TNPO3: variants seen among roughly 807,000 people sequenced by gnomAD.
TNPO3 encodes the protein transportin 3, also known as transportin-3.
A neutral mutation model predicts 122.8 loss-of-function variants in TNPO3; 65 were observed. That is an observed-to-expected ratio of 0.53 (90% CI 0.43 to 0.65). TNPO3 has a LOEUF of 0.65. Ranked by LOEUF, TNPO3 falls within the 30% of genes least tolerant of loss-of-function variation. The pLI is 0.00. For synonymous variants in TNPO3, 372 were observed against 411.2 expected (o/e 0.90, Z 1.15); for missense variants, 850 against 1,136.7 (o/e 0.75, Z 3.63).
chr7:129,001,359 A>G, intron 5 of TNPO3, 125 bp from the exon 6 acceptor site: 1 of 764,942 alleles, frequency 1.3e-6, no homozygotes, highest in South Asian at 3.2e-5. Flanking sequence ...TAAGTAAATA[A>G]TAATACAATG....
chr7:129,000,488 GA>G lies in TNPO3; in HGVS notation c.951del (p.Asp320ThrfsTer19). 1 of 1,614,146 alleles carries G rather than the reference GA, an allele frequency of 6.2e-7. No homozygotes were observed. Among genetic ancestry groups the G allele is most frequent in the East Asian group, 2.2e-5 (1 of 44,878 alleles). ...LEKIVCTPGQ[G>X]LGDLRTLELL... is the part of the protein sequence containing the mutation. The stretch of plus-strand genomic sequence containing the variant: ...AGCTCCAGAGTTCGAAGGTCCCCAA[GA>G]CCTTGGCCTGGAGTACAAACAATTT... On this transcript the variant is annotated frameshift_variant, in exon 7 of 23. Coordinates refer to ENST00000265388, the MANE Select transcript of TNPO3 (RefSeq NM_012470.4). LOFTEE classifies it high-confidence loss of function.
At chr7:128,958,930 G>A (rs575236710) in intron 21 of TNPO3, among the ~76,000 whole-genome samples, 1 of 152,300 alleles carries the variant, frequency 6.6e-6, no homozygotes, top group African/African-American at 2.4e-5. Flanking sequence ...CCTGAGCTGG[G>A]GAGGTTGAGG....
intron 21 of TNPO3, among the ~76,000 whole-genome samples, chr7:128,957,884 G>C (rs1007804678): frequency 6.6e-6 from 1 of 152,144 alleles, no homozygotes; most frequent in Non-Finnish European, 1.5e-5. Flanking sequence ...CCTGTGGGAG[G>C]AGGAGGGAGA....
intron 4 of TNPO3, among the ~76,000 whole-genome samples, chr7:129,011,222 T>C (rs994286731): frequency 6.6e-6 from 1 of 152,228 alleles, no homozygotes; most frequent in Non-Finnish European, 1.5e-5. Context: ...ATAAAATGAC[T>C]GGTACAATCT....
intron 4 of TNPO3, among the ~76,000 whole-genome samples, chr7:129,014,619 T>C (rs1247895724): frequency 6.6e-6 from 1 of 152,226 alleles, no homozygotes; most frequent in Non-Finnish European, 1.5e-5. Context: ...AGTAGATTTA[T>C]ACACACTTCC....
At chr7:129,000,214 C>T (rs1801784287) in intron 7 of TNPO3, among the ~76,000 whole-genome samples, 1 of 152,182 alleles carries the variant, frequency 6.6e-6, no homozygotes, top group South Asian at 2.1e-4. Flanking sequence ...GGGCCTACAA[C>T]AGCCCAGCCA....
chr7:128,972,443 T>C lies in TNPO3; in HGVS notation c.2413A>G (p.Thr805Ala), dbSNP rs759300872. The C allele has an allele frequency of 3.8e-5, 61 of 1,613,668 alleles. 2 individuals carry two copies. In the South Asian group the frequency reaches 6.7e-4, roughly 18 times the overall value. Residue 805 changes from threonine (T) to alanine (A), a missense_variant, in exon 19 of 23, where the codon ACA (threonine) becomes GCA (alanine). By Grantham distance (58) the Thr-to-Ala change is moderately conservative (BLOSUM62 0). Transcript: ENST00000265388. ...VMRFLRDLIHTGVANDHEEDF... is the reference protein window; with the variant it reads ...VMRFLRDLIHAGVANDHEEDF... The stretch of plus-strand genomic sequence containing the variant: ...ATACTTACATCATTGGCTACCCCTG[T>C]ATGAATGAGGTCTCGTAGAAACCTC...
intron 1 of TNPO3, among the ~76,000 whole-genome samples, chr7:129,048,164 G>C (rs964514669): frequency 1.3e-5 from 2 of 152,294 alleles, no homozygotes; most frequent in South Asian, 4.1e-4. Flanking sequence ...GGTGAGCAAG[G>C]CTGCAGTGAG....
At chr7:129,052,044 G>C (rs1808841707) in intron 1 of TNPO3, among the ~76,000 whole-genome samples, 1 of 152,212 alleles carries the variant, frequency 6.6e-6, no homozygotes, top group African/African-American at 2.4e-5. Context: ...AGGCCAAAGT[G>C]TTAGCTGAAC....
intron 1 of TNPO3, among the ~76,000 whole-genome samples, chr7:129,054,317 T>G (rs1809193286): frequency 6.6e-6 from 1 of 151,874 alleles, no homozygotes; most frequent in South Asian, 2.1e-4. Flanking sequence ...TGGGGTTGGA[T>G]TTGGTGGGAG....
intron 12 of TNPO3, among the ~76,000 whole-genome samples, chr7:128,986,072 C>CAGT (rs1163101440): frequency 1.3e-5 from 2 of 152,196 alleles, no homozygotes; most frequent in African/African-American, 2.4e-5. Flanking sequence ...TTCCTAGAGC[C>CAGT]AGTATATGCT....
chr7:129,016,506 A>G (rs1803876224), intron 3 of TNPO3, among the ~76,000 whole-genome samples: 2 of 152,354 alleles, frequency 1.3e-5, no homozygotes, highest in Admixed American at 1.3e-4. Context: ...AACCAAATGC[A>G]AGCAAATATC....
intron 20 of TNPO3, among the ~76,000 whole-genome samples, chr7:128,969,784 A>G (rs1247797275): frequency 2.0e-5 from 3 of 152,246 alleles, no homozygotes; most frequent in African/African-American, 7.2e-5. Flanking sequence ...GTGCTATAGA[A>G]TAAGTCTGAA....
At position 128,987,900 on chromosome 7, in the gene TNPO3, G is replaced by C. The variant is rs935645762; in HGVS notation, c.1499-980C>G. Among the ~76,000 whole-genome samples the C allele has an allele frequency of 1.5e-4, 23 of 151,848 alleles. 1 individual carries two copies. The highest frequency in any genetic ancestry group is 1.4e-3 in the Admixed American group (21 of 15,242). On this transcript the variant is annotated intron_variant, in intron 11 of 22. Coordinates refer to ENST00000265388, the MANE Select transcript of TNPO3 (RefSeq NM_012470.4). The stretch of plus-strand genomic sequence containing the variant: ...GGGCAAAAAACCATGTGTTGTTAAA[G>C]GTCATTGTGAGTACTTTATATTGAC...
chr7:129,024,683 T>C (rs886624991), intron 1 of TNPO3, among the ~76,000 whole-genome samples: 26 of 152,134 alleles, frequency 1.7e-4, no homozygotes, highest in Non-Finnish European at 3.5e-4. Context: ...CAAAATCCAC[T>C]GTGGGAAACT....
chr7:129,033,380 C>T (rs1231117218), intron 1 of TNPO3, among the ~76,000 whole-genome samples: 2 of 152,036 alleles, frequency 1.3e-5, no homozygotes, highest in African/African-American at 2.4e-5. Context: ...AAAGCCACAA[C>T]AAAATATTAC....
At position 128,982,911 on chromosome 7, in the gene TNPO3, C is replaced by T. The variant is rs556378571; in HGVS notation, c.1783-587G>A. 3.9e-5 allele frequency among the ~76,000 whole-genome samples: 6 copies of T among 152,260 alleles called. No homozygotes were observed. In the South Asian group the frequency reaches 1.2e-3, roughly 32 times the overall value. On this transcript the variant is annotated intron_variant, in intron 13 of 22. Transcript: ENST00000265388. ...GGAGAAGAGTTGACATCTTTATATC[C>T]TTTAAGGAAACATGGTAGGTTCAGG...
intron 3 of TNPO3, among the ~76,000 whole-genome samples, chr7:129,016,441 G>T (rs1803870923): frequency 1.3e-5 from 2 of 152,160 alleles, no homozygotes. Context: ...ATGCTTTAAT[G>T]ACACACTATA....
chr7:128,961,773 C>T (rs571915098), intron 21 of TNPO3, among the ~76,000 whole-genome samples: 3 of 152,192 alleles, frequency 2.0e-5, no homozygotes, highest in South Asian at 4.1e-4. Context: ...ATCCGATGAC[C>T]TGGTAGGTAA....
Sources: allele counts gnomAD v4.1 joint callset (sites outside exome capture counted in the v4.1 genomes callset), GRCh38; gene constraint gnomAD v4.1.1; transcripts MANE v1.5; gene names NCBI Gene and HGNC (gene_info 2026-07-23, HGNC 2026-07-21).